PCSK6: variants seen among roughly 807,000 people sequenced by gnomAD.
PCSK6 encodes the protein paired basic amino acid cleaving enzyme 4.
A neutral mutation model predicts 123.3 loss-of-function variants in PCSK6; 85 were observed. The observed-to-expected ratio is 0.69, with a 90% confidence interval of 0.58 to 0.83. The LOEUF is 0.83. Ranked by LOEUF, PCSK6 falls within the 40% of genes least tolerant of loss-of-function variation. The pLI is 0.00. For missense variants in PCSK6, 1,191 were observed against 1,282.3 expected (o/e 0.93, Z 1.09); for synonymous variants, 508 against 516.0 (o/e 0.98, Z 0.21).
In PCSK6 at chr15:101,489,580, C is replaced by T; in HGVS notation, c.91G>A (p.Gly31Arg). 2 of 974,862 alleles carry T rather than the reference C, an allele frequency of 2.1e-6. No homozygotes were observed. The highest frequency in any genetic ancestry group is 2.4e-6 in the Non-Finnish European group (2 of 824,868). 60.4% of individuals were successfully genotyped at this position (974,862 alleles called of 1,614,324 possible). A position where few individuals can be genotyped will look rare whatever the true frequency, so the allele number is the denominator to read the frequency against. Residue 31 changes from glycine to arginine, a missense_variant, in exon 1 of 22, where the codon GGG (glycine) becomes AGG (arginine). This residue lies in a region of PCSK6 where 204 missense variants were observed against 166.4 expected (regional missense o/e 1.23). Transcript: ENST00000611716. ...TDTAAGAGGA[G>R]GAGGAGGPGF... ...GGCCCGCCGGCGCCCCCCGCGCCCC[C>T]CGCGCCCCCCGCGCCCGCGGCGGTG...
chr15:101,376,794 G>A (rs1241998029), intron 11 of PCSK6, among the ~76,000 whole-genome samples: 2 of 152,206 alleles, frequency 1.3e-5, no homozygotes, highest in East Asian at 1.9e-4. Flanking sequence ...AAAGTGTTGT[G>A]GGTCCACTGT....
intron 10 of PCSK6, among the ~76,000 whole-genome samples, chr15:101,382,695 C>T (rs1185704787): frequency 2.6e-5 from 4 of 152,214 alleles, no homozygotes; most frequent in East Asian, 1.9e-4. Flanking sequence ...CAGAGCATTC[C>T]GGGAAAACAG....
intron 2 of PCSK6, among the ~76,000 whole-genome samples, chr15:101,435,814 A>G (rs1255572932): frequency 6.6e-6 from 1 of 152,212 alleles, no homozygotes; most frequent in Non-Finnish European, 1.5e-5. Flanking sequence ...AAAGGGTAAC[A>G]TAAACAAGCA....
chr15:101,427,928 A>G lies in PCSK6; in HGVS notation c.787T>C (p.Cys263Arg). Residue 263 changes from cysteine to arginine, a missense_variant, in exon 6 of 22, where the codon TGC (cysteine) becomes CGC (arginine). Cys to Arg is a radical substitution (Grantham distance 180, BLOSUM62 -3). Coordinates refer to ENST00000611716, the MANE Select transcript of PCSK6 (RefSeq NM_002570.5). The part of the protein sequence containing the change: ...EVAASANNSY[C>R]IVGIAYNAKI... ...GCATTGTACGCTATGCCCACGATGC[A>G]GTAGGAATTGTTTGCTGAAGCAGCA... is the stretch of plus-strand genomic sequence containing the variant. 2 of 1,588,332 alleles carry G rather than the reference A, an allele frequency of 1.3e-6. No individual in the cohort carries two copies. Among genetic ancestry groups the G allele is most frequent in the Non-Finnish European group, 1.7e-6 (2 of 1,167,100 alleles).
intron 1 of PCSK6, among the ~76,000 whole-genome samples, chr15:101,481,212 G>T (rs999499580): frequency 6.6e-5 from 10 of 152,062 alleles, no homozygotes; most frequent in Non-Finnish European, 1.2e-4. Context: ...GTGGCAGGGG[G>T]CCTGGGGGCC....
At chr15:101,411,375 C>T (rs1056656591) in intron 6 of PCSK6, among the ~76,000 whole-genome samples, 5 of 152,072 alleles carry the variant, frequency 3.3e-5, no homozygotes, top group East Asian at 1.9e-4. Context: ...GCCAGAGCAC[C>T]AGGACGATGC....
At chr15:101,361,688 G>A (rs759426472) in intron 13 of PCSK6, among the ~76,000 whole-genome samples, 1 of 152,204 alleles carries the variant, frequency 6.6e-6, no homozygotes, top group Non-Finnish European at 1.5e-5. Flanking sequence ...TGCTCTAAGA[G>A]CTGTGGGAGG....
At chr15:101,430,577 A>G (rs2056415776) in intron 4 of PCSK6, among the ~76,000 whole-genome samples, 1 of 152,252 alleles carries the variant, frequency 6.6e-6, no homozygotes, top group Admixed American at 6.5e-5. Flanking sequence ...TTTTGTTTAT[A>G]TGACTGTAAC....
At chr15:101,385,081 A>T (rs564599255) in intron 9 of PCSK6, among the ~76,000 whole-genome samples, 1 of 152,014 alleles carries the variant, frequency 6.6e-6, no homozygotes, top group Admixed American at 6.5e-5. Flanking sequence ...CGGTGGTGTG[A>T]TCTTGGCTCA....
At chr15:101,355,527 C>G (rs911296342) in intron 13 of PCSK6, among the ~76,000 whole-genome samples, 1 of 152,224 alleles carries the variant, frequency 6.6e-6, no homozygotes, top group Non-Finnish European at 1.5e-5. Flanking sequence ...GCACACTCAG[C>G]TGGGCTCTTG....
At chr15:101,414,606 T>G (rs2055820544) in intron 6 of PCSK6, among the ~76,000 whole-genome samples, 1 of 152,124 alleles carries the variant, frequency 6.6e-6, no homozygotes, top group African/African-American at 2.4e-5. Context: ...TAGAGAAACA[T>G]AAGTCCCAAT....
intron 6 of PCSK6, among the ~76,000 whole-genome samples, chr15:101,410,339 C>T (rs561543074): frequency 3.2e-4 from 49 of 152,230 alleles, no homozygotes; most frequent in African/African-American, 1.1e-3. Flanking sequence ...AAGTCTGGAG[C>T]CCCCCACCAC....
intron 1 of PCSK6, among the ~76,000 whole-genome samples, chr15:101,451,750 G>A (rs1179054362): frequency 6.6e-6 from 1 of 152,194 alleles, no homozygotes. Context: ...TCCGAGTTCA[G>A]TTATATAATG....
intron 15 of PCSK6, among the ~76,000 whole-genome samples, chr15:101,330,161 C>T (rs951566904): frequency 1.4e-4 from 21 of 152,218 alleles, no homozygotes; most frequent in Non-Finnish European, 1.8e-4. Context: ...TTCCTTGTGC[C>T]CCACGCTGCC....
intron 13 of PCSK6, among the ~76,000 whole-genome samples, chr15:101,344,503 A>G (rs2040687316): frequency 6.6e-6 from 1 of 152,182 alleles, no homozygotes; most frequent in Admixed American, 6.5e-5. Flanking sequence ...ACTCATAAAT[A>G]AATATCTCCT....
At chr15:101,313,699 A>G (rs2039924967) in intron 19 of PCSK6, 194 bp from the exon 20 acceptor site, 2 of 684,212 alleles carry the variant, frequency 2.9e-6, no homozygotes, top group African/African-American at 3.6e-5. Context: ...CGCCATCACC[A>G]TTTCACAGAC....
At position 101,305,191 on chromosome 15, in the gene PCSK6, C is replaced by T; in HGVS notation, c.*67G>A. 7.5e-7 allele frequency: 1 copy of T among 1,330,660 alleles called. No homozygotes were observed. The highest frequency in any genetic ancestry group is 1.1e-6 in the Non-Finnish European group (1 of 949,842). The allele number at this position is 1,330,660 out of a possible 1,614,324, so 82.4% of individuals were successfully genotyped here. A position where few individuals can be genotyped will look rare whatever the true frequency, so the allele number is the denominator to read the frequency against. ...CGCTCCTGAAACAGACTCTGGCCGA[C>T]AGTCTGGAGGAAGGTGGACGGATGG... On this transcript the variant is annotated 3_prime_UTR_variant, in exon 22 of 22. Coordinates refer to ENST00000611716, the MANE Select transcript of PCSK6 (RefSeq NM_002570.5). This position sits in a 1 kb window ranked among gnomAD's most constrained non-coding sequence, Gnocchi z 4.8.
chr15:101,322,659 T>C, intron 17 of PCSK6, 52 bp from the exon 18 acceptor site: 3 of 1,201,546 alleles, frequency 2.5e-6, no homozygotes, highest in Non-Finnish European at 3.7e-6. Flanking sequence ...CTGACAGGAA[T>C]GAAATCTGGG....
In PCSK6 at chr15:101,393,209, T is replaced by TA; in HGVS notation, c.1209+2dup. 2 of 1,610,684 alleles carry TA rather than the reference T, an allele frequency of 1.2e-6. No homozygotes were observed. The highest frequency in any genetic ancestry group is 1.7e-6 in the Non-Finnish European group (2 of 1,178,298). On this transcript the variant is annotated splice_region_variant and intron_variant, in intron 8 of 21. Transcript: ENST00000611716. ...AGCACTCCAACTTGCCAAGAGAACT[T>TA]ACGATTTTTCGCTCATAAAAGGCCC...
Sources: allele counts gnomAD v4.1 joint callset (sites outside exome capture counted in the v4.1 genomes callset), GRCh38; gene constraint gnomAD v4.1.1; regional missense constraint gnomAD v4.1.1; non-coding constraint Gnocchi (gnomAD v3.1); transcripts MANE v1.5; gene names NCBI Gene and HGNC (gene_info 2026-07-23, HGNC 2026-07-21).